Variants in LUZP2 observed in about 807,000 individuals in gnomAD.
The protein encoded by LUZP2 is leucine zipper protein 2.
In LUZP2, 52 loss-of-function variants were observed where a neutral mutation model predicts 51.6. The ratio of observed to expected loss-of-function variants is 1.01; its 90% CI spans 0.81 to 1.27. LUZP2 has a LOEUF of 1.27. Among genes scored for constraint, LUZP2 ranks in the 50% most tolerant of loss-of-function variants. The probability of loss-of-function intolerance (pLI) is 0.00; values close to 1 mark genes in which losing one functional copy is unlikely to be tolerated. For missense variants in LUZP2, 436 were observed against 395.4 expected (o/e 1.10, Z -0.87); for synonymous variants, 154 against 137.3 (o/e 1.12, Z -0.85).
chr11:24,978,201 A>T (rs909062191), intron 8 of LUZP2, among the ~76,000 whole-genome samples: 4 of 151,724 alleles, frequency 2.6e-5, no homozygotes, highest in Admixed American at 2.0e-4. Context: ...GCATTATAAG[A>T]TTTTAAAAAA....
chr11:24,805,856 A>T (rs957670266), intron 5 of LUZP2, among the ~76,000 whole-genome samples: 38 of 152,168 alleles, frequency 2.5e-4, no homozygotes, highest in African/African-American at 8.2e-4. Flanking sequence ...TAGGTTAATC[A>T]TCCTACAGAA....
At chr11:24,764,931 A>G (rs1459621027) in intron 5 of LUZP2, among the ~76,000 whole-genome samples, 1 of 152,230 alleles carries the variant, frequency 6.6e-6, no homozygotes, top group Non-Finnish European at 1.5e-5. Context: ...TGATAACTAC[A>G]TAGACTAGAA....
chr11:24,919,958 A>T lies in LUZP2; in HGVS notation c.522+5420A>T, dbSNP rs146570247. On this transcript the variant is annotated intron_variant, in intron 7 of 11. Transcript: ENST00000336930. ...ATTGGTTAGCTAAGAAATTTTATGA[A>T]TGAATAAGTCCTACACAACCATGAC... Among the ~76,000 whole-genome samples the T allele has an allele frequency of 3.4e-3, 512 of 151,870 alleles. 3 individuals carry two copies. Among genetic ancestry groups the T allele is most frequent in the African/African-American group, 0.011 (472 of 41,544 alleles).
intron 7 of LUZP2, among the ~76,000 whole-genome samples, chr11:24,934,540 A>T (rs535178114): frequency 8.7e-4 from 133 of 152,304 alleles, no homozygotes; most frequent in African/African-American, 3.1e-3. Context: ...TAACATACTT[A>T]AATTTTACCT....
At chr11:24,744,115 C>T (rs997186544) in intron 4 of LUZP2, among the ~76,000 whole-genome samples, 2 of 151,826 alleles carry the variant, frequency 1.3e-5, no homozygotes, top group African/African-American at 2.4e-5. Flanking sequence ...TCAGTTAGTT[C>T]GTATTTTGTT....
At chr11:24,817,940 T>G (rs904019646) in intron 5 of LUZP2, among the ~76,000 whole-genome samples, 1 of 152,104 alleles carries the variant, frequency 6.6e-6, no homozygotes, top group African/African-American at 2.4e-5. Flanking sequence ...TAAAATTTAT[T>G]AGATTTTTAT....
At chr11:24,898,565 G>T in intron 5 of LUZP2, among the ~76,000 whole-genome samples, 1 of 151,336 alleles carries the variant, frequency 6.6e-6, no homozygotes. Context: ...AGAGCTTACA[G>T]TGAGCCCAGA....
intron 1 of LUZP2, among the ~76,000 whole-genome samples, chr11:24,604,328 A>G (rs563788598): frequency 6.8e-6 from 1 of 147,624 alleles, no homozygotes; most frequent in South Asian, 2.1e-4. Context: ...TATTTCTTGA[A>G]GATATAATAT....
At chr11:25,035,407 T>A (rs1857824555) in intron 9 of LUZP2, among the ~76,000 whole-genome samples, 1 of 151,536 alleles carries the variant, frequency 6.6e-6, no homozygotes, top group Admixed American at 6.6e-5. Flanking sequence ...AGGCTGAGAG[T>A]AAAATCAAGA....
intron 1 of LUZP2, among the ~76,000 whole-genome samples, chr11:24,577,554 A>G (rs1463593527): frequency 1.3e-5 from 2 of 152,160 alleles, no homozygotes; most frequent in Non-Finnish European, 2.9e-5. Flanking sequence ...GAATTAAATT[A>G]TCAAGTATCT....
intron 9 of LUZP2, among the ~76,000 whole-genome samples, chr11:25,043,003 T>C (rs1204455901): frequency 6.6e-6 from 1 of 152,174 alleles, no homozygotes; most frequent in Non-Finnish European, 1.5e-5. Context: ...ATTAGTGTTA[T>C]TGTAAGAAAG....
chr11:24,688,764 C>A (rs1856974031), intron 1 of LUZP2, among the ~76,000 whole-genome samples: 1 of 152,062 alleles, frequency 6.6e-6, no homozygotes, highest in Non-Finnish European at 1.5e-5. Flanking sequence ...TAAGAGAGCC[C>A]TAATATCATT....
intron 1 of LUZP2, among the ~76,000 whole-genome samples, chr11:24,617,558 C>T (rs61875685): frequency 0.13 from 20,348 of 152,198 alleles, 1,728 homozygotes; most frequent in East Asian, 0.24. Context: ...CCGTGGCTCA[C>T]GCCTGTAATC....
intron 1 of LUZP2, among the ~76,000 whole-genome samples, chr11:24,587,853 T>C (rs1173576197): frequency 6.6e-6 from 1 of 152,028 alleles, no homozygotes; most frequent in African/African-American, 2.4e-5. Context: ...AAAAGGCATA[T>C]TATACAGATG....
At chr11:25,075,380 CAAAG>C (rs1477553364) in intron 10 of LUZP2, among the ~76,000 whole-genome samples, 7 of 152,042 alleles carry the variant, frequency 4.6e-5, no homozygotes, top group Non-Finnish European at 7.4e-5. Flanking sequence ...TGTGGCCATA[CAAAG>C]AAAGCAGGCA....
At chr11:24,688,391 T>A (rs138928757) in intron 1 of LUZP2, among the ~76,000 whole-genome samples, 3 of 152,212 alleles carry the variant, frequency 2.0e-5, no homozygotes, top group Non-Finnish European at 4.4e-5. Context: ...TTGGAAGCAC[T>A]GGGGAACTAC....
intron 1 of LUZP2, among the ~76,000 whole-genome samples, chr11:24,664,983 C>T (rs1360620792): frequency 6.6e-6 from 1 of 152,152 alleles, no homozygotes; most frequent in Non-Finnish European, 1.5e-5. Context: ...ATCCTCCAGA[C>T]CCCAGAATGG....
At chr11:24,826,190 A>AAAAAAAATATATATATATATATAT (rs1215786412) in intron 5 of LUZP2, among the ~76,000 whole-genome samples, 3 of 67,538 alleles carry the variant, frequency 4.4e-5, no homozygotes, top group African/African-American at 1.8e-4. Context: ...AAAAAAAAAA[A>AAAAAAAATATATATATATATATAT]ATATATATAT....
chr11:24,899,332 A>G (rs1853197627), intron 5 of LUZP2, among the ~76,000 whole-genome samples: 1 of 151,930 alleles, frequency 6.6e-6, no homozygotes, highest in Non-Finnish European at 1.5e-5. Context: ...TTGAGTTGAT[A>G]TTGTACCACT....
Sources: gnomAD v4.1 joint callset for allele counts (sites outside exome capture counted in the v4.1 genomes callset) on GRCh38, gnomAD v4.1.1 for gene constraint, MANE v1.5 for transcripts, NCBI Gene and HGNC (gene_info 2026-07-23, HGNC 2026-07-21) for gene names.